TRIM71: variants seen among roughly 807,000 people sequenced by gnomAD.
TRIM71 encodes the protein E3 ubiquitin-protein ligase TRIM71.
A neutral mutation model predicts 61.2 loss-of-function variants in TRIM71; 9 were observed. The ratio of observed to expected loss-of-function variants is 0.15; its 90% confidence interval spans 0.09 to 0.26. The LOEUF (loss-of-function observed/expected upper bound fraction) is 0.26. Ranked by LOEUF, TRIM71 falls within the 10% of genes least tolerant of loss-of-function variation. The pLI, the probability that TRIM71 is intolerant of heterozygous loss-of-function variation, is 1.00. For missense variants in TRIM71, 998 were observed against 1,238.7 expected (o/e 0.81, Z 2.92); for synonymous variants, 645 against 553.2 (o/e 1.17, Z -2.33).
chr3:32,856,180 G>A (rs188638354), intron 1 of TRIM71, among the ~76,000 whole-genome samples: 271 of 152,146 alleles, frequency 1.8e-3, no homozygotes, highest in African/African-American at 5.9e-3. Context: ...ACCACGCCCG[G>A]CTATTTTTTT....
In TRIM71 at chr3:32,891,466, C is replaced by T. The variant is rs752358163; in HGVS notation, c.2262C>T (p.Ala754=). The T allele has an allele frequency of 1.9e-6, 3 of 1,613,890 alleles. No homozygotes were observed. The highest frequency in any genetic ancestry group is 2.2e-5 in the South Asian group (2 of 91,054). The part of the protein sequence containing the change: ...WKHFDSPRGV[A]FNHEGHLVVT... ...ACTTTGACTCCCCACGGGGTGTGGC[C>T]TTCAACCATGAGGGCCACTTGGTGG... Residue 754 remains alanine (A), a synonymous_variant, in exon 4 of 4, where the codon GCC becomes GCT. Coordinates refer to ENST00000383763, the MANE Select transcript of TRIM71 (RefSeq NM_001039111.3). The surrounding 1 kb of genome is among the most constrained non-coding windows in gnomAD (Gnocchi z 8.2).
intron 1 of TRIM71, among the ~76,000 whole-genome samples, chr3:32,829,027 T>C (rs1431718017): frequency 6.6e-6 from 1 of 150,870 alleles, no homozygotes; most frequent in Non-Finnish European, 1.5e-5. Flanking sequence ...GGACTTTCCC[T>C]CTGTCGCCCA....
intron 1 of TRIM71, among the ~76,000 whole-genome samples, chr3:32,869,643 T>C (rs1397097237): frequency 6.6e-6 from 1 of 152,266 alleles, no homozygotes; most frequent in African/African-American, 2.4e-5. Flanking sequence ...TTTTTATTTA[T>C]TTATTTTCCT....
At chr3:32,882,179 CT>C (rs77204516) in intron 2 of TRIM71, among the ~76,000 whole-genome samples, 4 of 150,850 alleles carry the variant, frequency 2.7e-5, no homozygotes, top group African/African-American at 7.3e-5. Flanking sequence ...CAGGCTGGGT[CT>C]TTTTTTTTCT....
At position 32,818,310 on chromosome 3, in the gene TRIM71, C is replaced by G. The variant is rs1410832868; in HGVS notation, c.230C>G (p.Ala77Gly). 3 of 1,433,992 alleles carry G rather than the reference C, an allele frequency of 2.1e-6. No homozygotes were observed. The highest frequency in any genetic ancestry group is 2.7e-6 in the Non-Finnish European group (3 of 1,099,194). The allele number at this position is 1,433,992 out of a possible 1,614,324, so 88.8% of individuals were successfully genotyped here. Residue 77 changes from alanine to glycine, a missense_variant, in exon 1 of 4, where the codon GCG (alanine) becomes GGG (glycine). Coordinates refer to ENST00000383763, the MANE Select transcript of TRIM71 (RefSeq NM_001039111.3). ...RPCLEAHRLP[A>G]AGGGAAGEPL... ...TGCCTCGAGGCGCACCGGCTGCCGG[C>G]GGCGGGCGGCGGCGCGGCGGGAGAG...
At chr3:32,889,161 C>G (rs1696995036) in intron 3 of TRIM71, among the ~76,000 whole-genome samples, 1 of 152,154 alleles carries the variant, frequency 6.6e-6, no homozygotes, top group Non-Finnish European at 1.5e-5. Context: ...GAGCAAGGAC[C>G]ATATTTTATA....
intron 1 of TRIM71, among the ~76,000 whole-genome samples, chr3:32,873,198 G>A (rs1377423122): frequency 6.6e-6 from 1 of 151,686 alleles, no homozygotes; most frequent in Non-Finnish European, 1.5e-5. Context: ...TTGGCATGAA[G>A]AAGAAAGGCA....
chr3:32,818,260 C>T lies in TRIM71; in HGVS notation c.180C>T (p.Pro60=), dbSNP rs748989029. ...CGGCGCGCCGCCTACACGTCCTGCC[C>T]TGCCTGCACGCCTTCTGCCGCCCCT... ...GAAARRLHVL[P]CLHAFCRPCL... Residue 60 remains proline, a synonymous_variant, in exon 1 of 4, where the codon CCC becomes CCT. Coordinates refer to ENST00000383763, the MANE Select transcript of TRIM71 (RefSeq NM_001039111.3). 1.2e-5 allele frequency: 17 copies of T among 1,450,890 alleles called. No individual in the cohort carries two copies. The East Asian group carries it at 1.4e-4, about 12-fold the overall frequency. The allele number at this position is 1,450,890 out of a possible 1,614,324, so 89.9% of individuals were successfully genotyped here.
At position 32,887,481 on chromosome 3, in the gene TRIM71, CTTTTTT is replaced by C. The variant is rs10615630; in HGVS notation, c.1155+1429_1155+1434del. Among the ~76,000 whole-genome samples, 92 of 110,004 alleles carry C rather than the reference CTTTTTT, an allele frequency of 8.4e-4. 1 individual carries two copies. Among genetic ancestry groups the C allele is most frequent in the Non-Finnish European group, 9.2e-4 (52 of 56,354 alleles). 72.2% of individuals were successfully genotyped at this position (110,004 alleles called of 152,430 possible). A position where few individuals can be genotyped will look rare whatever the true frequency, so the allele number is the denominator to read the frequency against. On this transcript the variant is annotated intron_variant, in intron 3 of 3. Coordinates refer to ENST00000383763, the MANE Select transcript of TRIM71 (RefSeq NM_001039111.3). ...CCCTCTCTCTTTGACTAATTACTGA[CTTTTTT>C]TTTTTTTTTTTTTTTCTGTTCCTTC...
intron 1 of TRIM71, among the ~76,000 whole-genome samples, chr3:32,835,896 A>G (rs1696329372): frequency 6.6e-6 from 1 of 152,230 alleles, no homozygotes; most frequent in Non-Finnish European, 1.5e-5. Flanking sequence ...AACCATTTAC[A>G]TACACAAGCA....
intron 1 of TRIM71, among the ~76,000 whole-genome samples, chr3:32,841,897 G>T (rs759098909): frequency 7.9e-5 from 12 of 152,138 alleles, no homozygotes; most frequent in Non-Finnish European, 2.9e-5. Flanking sequence ...TGAAACTTCT[G>T]TACTCAAGTG....
intron 1 of TRIM71, among the ~76,000 whole-genome samples, chr3:32,867,735 C>T (rs895766014): frequency 3.3e-5 from 5 of 152,102 alleles, no homozygotes; most frequent in Admixed American, 1.3e-4. Flanking sequence ...GTGGTGAGAA[C>T]ACATAAAAAT....
intron 3 of TRIM71, among the ~76,000 whole-genome samples, chr3:32,888,067 A>G (rs575628522): frequency 6.6e-6 from 1 of 152,298 alleles, no homozygotes; most frequent in South Asian, 2.1e-4. Flanking sequence ...TAGAGAAACT[A>G]ATGTTTCATT....
chr3:32,867,910 C>G (rs1340991133), intron 1 of TRIM71, among the ~76,000 whole-genome samples: 4 of 152,024 alleles, frequency 2.6e-5, no homozygotes, highest in Non-Finnish European at 4.4e-5. Flanking sequence ...GTGTTAATTG[C>G]TTGTGTGTGG....
chr3:32,828,224 T>A (rs1277302963), intron 1 of TRIM71, among the ~76,000 whole-genome samples: 1 of 152,080 alleles, frequency 6.6e-6, no homozygotes, highest in Non-Finnish European at 1.5e-5. Flanking sequence ...TCAATAGATT[T>A]GTACTGAAAA....
At chr3:32,866,692 G>C (rs1041757236) in intron 1 of TRIM71, among the ~76,000 whole-genome samples, 2 of 152,272 alleles carry the variant, frequency 1.3e-5, no homozygotes, top group Non-Finnish European at 2.9e-5. Flanking sequence ...TTCACCAAGG[G>C]CCTGTGTGAT....
intron 1 of TRIM71, among the ~76,000 whole-genome samples, chr3:32,832,874 T>C (rs1375433821): frequency 6.6e-6 from 1 of 151,942 alleles, no homozygotes; most frequent in African/African-American, 2.4e-5. Context: ...TAATAGGTAA[T>C]ATAAAGAATT....
At chr3:32,866,375 A>G (rs1696736992) in intron 1 of TRIM71, among the ~76,000 whole-genome samples, 1 of 151,954 alleles carries the variant, frequency 6.6e-6, no homozygotes, top group Non-Finnish European at 1.5e-5. Context: ...CCTCCCGAGT[A>G]GCTAGGATTA....
chr3:32,842,005 G>C (rs1388896609), intron 1 of TRIM71, among the ~76,000 whole-genome samples: 1 of 152,100 alleles, frequency 6.6e-6, no homozygotes, highest in African/African-American at 2.4e-5. Context: ...ACTCGCTTCT[G>C]AGCACCTGTC....
Sources: allele counts gnomAD v4.1 joint callset (sites outside exome capture counted in the v4.1 genomes callset), GRCh38; gene constraint gnomAD v4.1.1; non-coding constraint Gnocchi (gnomAD v3.1); transcripts MANE v1.5; gene names NCBI Gene and HGNC (gene_info 2026-07-23, HGNC 2026-07-21).